The following GHR variants were observed in gnomAD, a reference collection of about 807,000 sequenced individuals.
GHR encodes GH receptor.
Under a neutral mutation model 67.1 loss-of-function variants are expected in GHR, and 35 were observed. That is an observed-to-expected ratio of 0.52 (90% CI 0.40 to 0.69). The LOEUF (loss-of-function observed/expected upper bound fraction) is 0.69. Among genes scored for constraint, GHR ranks in the 30% least tolerant of loss-of-function variants. The probability of loss-of-function intolerance (pLI) is 0.00; values close to 1 mark genes in which losing one functional copy is unlikely to be tolerated. For synonymous variants in GHR, 272 were observed against 269.1 expected, an observed-to-expected ratio of 1.01 and a Z score of -0.10; for missense variants, 792 against 764.6, an observed-to-expected ratio of 1.04 and a Z score of -0.42.
At chr5:42,543,953 C>A (rs1304987580) in intron 1 of GHR, among the ~76,000 whole-genome samples, 1 of 151,950 alleles carries the variant, frequency 6.6e-6, no homozygotes, top group Non-Finnish European at 1.5e-5. Flanking sequence ...GTGTTTGGCA[C>A]AGAAGAAGTT....
rs182504077 is a variant in GHR, at chr5:42,573,758, A to G, written c.70+7814A>G. 6.6e-5 allele frequency among the ~76,000 whole-genome samples: 10 copies of G among 152,282 alleles called. No homozygotes were observed. The East Asian group carries it at 1.2e-3, about 18-fold the overall frequency. ...AATATCAAGTCTTTCTAATTTTCCA[A>G]TGAGAGCACATGAAACTCTCAAGGT... On this transcript the variant is annotated intron_variant, in intron 2 of 9. Transcript: ENST00000230882.
chr5:42,598,002 A>C (rs1752169264), intron 2 of GHR, among the ~76,000 whole-genome samples: 1 of 152,236 alleles, frequency 6.6e-6, no homozygotes, highest in Non-Finnish European at 1.5e-5. Flanking sequence ...AAAGAAAGGA[A>C]GAAAGGAAAG....
intron 2 of GHR, among the ~76,000 whole-genome samples, chr5:42,596,034 A>C (rs1387981813): frequency 3.3e-5 from 5 of 152,212 alleles, no homozygotes; most frequent in African/African-American, 1.2e-4. Context: ...AGTCTGAGAG[A>C]TCAATTAGGA....
At chr5:42,613,380 T>C (rs1752981800) in intron 2 of GHR, among the ~76,000 whole-genome samples, 2 of 152,166 alleles carry the variant, frequency 1.3e-5, no homozygotes, top group African/African-American at 4.8e-5. Flanking sequence ...GGGCTTTGTC[T>C]TATACTCTAC....
At chr5:42,649,409 T>C (rs1475319532) in intron 3 of GHR, among the ~76,000 whole-genome samples, 1 of 152,182 alleles carries the variant, frequency 6.6e-6, no homozygotes, top group African/African-American at 2.4e-5. Context: ...TTTTAAATAA[T>C]AATAACAATG....
intron 2 of GHR, among the ~76,000 whole-genome samples, chr5:42,587,463 G>A (rs796436163): frequency 4.7e-4 from 71 of 152,138 alleles, no homozygotes; most frequent in African/African-American, 1.6e-3. Context: ...GATAAATTTT[G>A]GTCCAGAACT....
intron 1 of GHR, among the ~76,000 whole-genome samples, chr5:42,476,667 CT>C (rs960873537): frequency 5.9e-5 from 9 of 152,018 alleles, no homozygotes; most frequent in African/African-American, 2.2e-4. Flanking sequence ...ATTATAAAGC[CT>C]TTTTCTAAAG....
At chr5:42,662,145 C>T (rs190551098) in intron 3 of GHR, among the ~76,000 whole-genome samples, 2 of 152,162 alleles carry the variant, frequency 1.3e-5, no homozygotes, top group African/African-American at 4.8e-5. Flanking sequence ...GACTCCCACA[C>T]AATAATAATG....
In GHR at chr5:42,489,164, T is replaced by C. The variant is rs72561784; in HGVS notation, c.-12+65209T>C. Among the ~76,000 whole-genome samples the C allele has an allele frequency of 1.2e-3, 187 of 152,312 alleles. 1 individual carries two copies. Among genetic ancestry groups the C allele is most frequent in the African/African-American group, 4.5e-3 (185 of 41,572 alleles). ...CTCTGCCTTACCCTCTCTTTTTCAA[T>C]TTTGTTCTCGTTCTGTCCTATCCTG... On this transcript the variant is annotated intron_variant, in intron 1 of 9. Coordinates refer to ENST00000230882, the MANE Select transcript of GHR (RefSeq NM_000163.5).
intron 1 of GHR, among the ~76,000 whole-genome samples, chr5:42,431,898 C>T (rs1275677432): frequency 6.6e-6 from 1 of 152,056 alleles, no homozygotes; most frequent in African/African-American, 2.4e-5. Flanking sequence ...ATGTACTTAT[C>T]CATGGTGGAC....
At chr5:42,465,825 CT>C in intron 1 of GHR, 1 of 772,222 alleles carries the variant, frequency 1.3e-6, no homozygotes, top group Non-Finnish European at 2.4e-6. Context: ...CCACCATGAC[CT>C]TGAATAGGTC....
At chr5:42,580,405 A>G (rs935058122) in intron 2 of GHR, among the ~76,000 whole-genome samples, 2 of 152,142 alleles carry the variant, frequency 1.3e-5, no homozygotes, top group Non-Finnish European at 2.9e-5. Flanking sequence ...CAAAAATAAT[A>G]AATTATCTAG....
intron 1 of GHR, among the ~76,000 whole-genome samples, chr5:42,476,413 G>T (rs1408712093): frequency 2.6e-5 from 4 of 151,580 alleles, no homozygotes; most frequent in Admixed American, 2.6e-4. Context: ...TAGAGACAGG[G>T]TTTCACCATT....
chr5:42,447,701 A>G (rs572322419), intron 1 of GHR, among the ~76,000 whole-genome samples: 12 of 55,958 alleles, frequency 2.1e-4, no homozygotes, highest in Admixed American at 2.1e-3. Context: ...CCCTCCCTCT[A>G]TCTCTCCCTC....
At chr5:42,450,895 A>C (rs967414140) in intron 1 of GHR, among the ~76,000 whole-genome samples, 2 of 152,210 alleles carry the variant, frequency 1.3e-5, no homozygotes, top group Admixed American at 6.5e-5. Context: ...CCCAAAGATC[A>C]TTCAAGAGCA....
intron 3 of GHR, chr5:42,647,807 C>A (rs1754819308): frequency 9.0e-6 from 3 of 334,350 alleles, no homozygotes; most frequent in Non-Finnish European, 1.7e-5. Flanking sequence ...GTATGTATAC[C>A]AAATGTCTAT....
At chr5:42,587,125 C>T (rs2112578935) in intron 2 of GHR, among the ~76,000 whole-genome samples, 1 of 151,118 alleles carries the variant, frequency 6.6e-6, no homozygotes, top group Middle Eastern at 3.5e-3. Flanking sequence ...TAAACAGGAT[C>T]TCTATTATAT....
chr5:42,699,766 C>T (rs1400081497), intron 5 of GHR, 58 bp from the exon 6 acceptor site: 3 of 1,073,778 alleles, frequency 2.8e-6, no homozygotes, highest in African/African-American at 1.5e-5. Flanking sequence ...AGAAGAATGC[C>T]TTCCATTAAT....
intron 3 of GHR, among the ~76,000 whole-genome samples, chr5:42,671,718 A>G (rs1353072958): frequency 6.6e-6 from 1 of 151,158 alleles, no homozygotes; most frequent in Admixed American, 6.6e-5. Context: ...GCACTTTGGG[A>G]GGCCGAGGTG....
Sources: allele counts gnomAD v4.1 joint callset (sites outside exome capture counted in the v4.1 genomes callset), GRCh38; gene constraint gnomAD v4.1.1; transcripts MANE v1.5; gene names NCBI Gene and HGNC (gene_info 2026-07-23, HGNC 2026-07-21).